Variants in AIMP2 observed in about 807,000 individuals in gnomAD.
The protein encoded by AIMP2 is aminoacyl tRNA synthetase complex interacting multifunctional protein 2.
A neutral mutation model predicts 23.4 loss-of-function variants in AIMP2; 20 were observed. The ratio of observed to expected loss-of-function variants is 0.85; its 90% CI spans 0.60 to 1.24. The LOEUF is 1.24. Among genes scored for constraint, AIMP2 ranks in the 50% most tolerant of loss-of-function variants. AIMP2 has a pLI of 0.00. For synonymous variants in AIMP2, 210 were observed against 170.4 expected (o/e 1.23, Z -1.81); for missense variants, 515 against 414.5 (o/e 1.24, Z -2.10).
At chr7:6,009,906 G>A (rs1372221215) in intron 1 of AIMP2, among the ~76,000 whole-genome samples, 8 of 132,526 alleles carry the variant, frequency 6.0e-5, no homozygotes, top group African/African-American at 1.1e-4. Flanking sequence ...CTGAGATCGA[G>A]CCATTGCACT....
intron 1 of AIMP2, among the ~76,000 whole-genome samples, chr7:6,013,301 G>T (rs1213051646): frequency 3.1e-5 from 4 of 127,600 alleles, no homozygotes; most frequent in African/African-American, 1.2e-4. Context: ...TCACTCTGCC[G>T]CCTAGGCTGG....
chr7:6,021,338 CAAAAAAAAAAA>C (rs563523048), intron 3 of AIMP2, among the ~76,000 whole-genome samples: 1 of 65,956 alleles, frequency 1.5e-5, no homozygotes, highest in Admixed American at 2.0e-4. Flanking sequence ...GACTCCATCT[CAAAAAAAAAAA>C]AAAAAAAAAA....
At chr7:6,015,495 C>T (rs1786971061) in intron 2 of AIMP2, 143 bp downstream of exon 2, 6 of 838,098 alleles carry the variant, frequency 7.2e-6, no homozygotes, top group East Asian at 2.7e-5. Context: ...GAAGCCAAGG[C>T]GGGCAGATCA....
At chr7:6,011,495 C>T (rs998086753) in intron 1 of AIMP2, among the ~76,000 whole-genome samples, 1 of 152,172 alleles carries the variant, frequency 6.6e-6, no homozygotes, top group African/African-American at 2.4e-5. Flanking sequence ...CCTAGGTTTC[C>T]AGCAGGAGAA....
At position 6,009,507 on chromosome 7, in the gene AIMP2, G is replaced by A; in HGVS notation, c.135+9G>A. ...GCGCTGGCCACGTGCAGGTAGGAGC[G>A]CGGGGCCCCCCGCCCAGTGCGCACG... On this transcript the variant is annotated intron_variant, in intron 1 of 3. Transcript: ENST00000223029. The A allele has an allele frequency of 1.3e-6, 2 of 1,509,306 alleles. No individual in the cohort carries two copies. The highest frequency in any genetic ancestry group is 2.5e-5 in the East Asian group (1 of 39,892). The allele number at this position is 1,509,306 out of a possible 1,614,324, so 93.5% of individuals were successfully genotyped here.
Position 6,018,046 on chromosome 7 carries a change from G to A in AIMP2, c.574+1G>A. 1 of 1,610,524 alleles carries A rather than the reference G, an allele frequency of 6.2e-7. No homozygotes were observed. Among genetic ancestry groups the A allele is most frequent in the South Asian group, 1.1e-5 (1 of 90,412 alleles). Reference sequence around the variant, plus strand: ...GGATTCACTTTAATTTGGAAGAATGGTAAGTAGACGGGACTGAGTTCAACT... The same window carrying A: ...GGATTCACTTTAATTTGGAAGAATGATAAGTAGACGGGACTGAGTTCAACT... On this transcript the variant is annotated splice_donor_variant, in intron 3 of 3. Coordinates refer to ENST00000223029, the MANE Select transcript of AIMP2 (RefSeq NM_006303.4). LOFTEE classifies it high-confidence loss of function.
chr7:6,013,428 T>C (rs1236591214), intron 1 of AIMP2, among the ~76,000 whole-genome samples: 5 of 151,916 alleles, frequency 3.3e-5, no homozygotes, highest in African/African-American at 4.8e-5. Context: ...ACCTGGCTAA[T>C]TTTTGTACTT....
At chr7:6,019,295 C>G (rs958077247) in intron 3 of AIMP2, among the ~76,000 whole-genome samples, 1 of 150,612 alleles carries the variant, frequency 6.6e-6, no homozygotes, top group African/African-American at 2.4e-5. Flanking sequence ...CTGGCTAACA[C>G]GGTGAAACCC....
intron 3 of AIMP2, chr7:6,023,062 G>A: frequency 1.7e-5 from 8 of 484,422 alleles, no homozygotes; most frequent in East Asian, 3.6e-5. Flanking sequence ...TCTAGCTTCA[G>A]AAGTGTCATA....
rs35316507 is a variant in AIMP2, at chr7:6,010,807, G to GTT, written c.135+1321_135+1322dup. The stretch of plus-strand genomic sequence containing the variant: ...AGCGTATAGTCTGATGTGTCTGGGT[G>GTT]TTTTTTTTTTTTTAATGTAGAGATG... On this transcript the variant is annotated intron_variant, in intron 1 of 3. Coordinates refer to ENST00000223029, the MANE Select transcript of AIMP2 (RefSeq NM_006303.4). 5.7e-3 allele frequency among the ~76,000 whole-genome samples: 823 copies of GTT among 143,408 alleles called. 5 individuals are homozygous for GTT. The highest frequency in any genetic ancestry group is 0.015 in the African/African-American group (583 of 38,812). 94.1% of individuals were successfully genotyped at this position (143,408 alleles called of 152,430 possible).
chr7:6,011,998 A>G (rs1253609378), intron 1 of AIMP2, among the ~76,000 whole-genome samples: 1 of 152,218 alleles, frequency 6.6e-6, no homozygotes. Flanking sequence ...CACGTCTGTA[A>G]TCCCAGCACT....
Position 6,015,149 on chromosome 7 carries a change from GA to G in AIMP2, c.140del (p.Glu47GlyfsTer17), listed in dbSNP as rs780028792. 1.2e-6 allele frequency: 2 copies of G among 1,614,106 alleles called. No homozygotes were observed. The highest frequency in any genetic ancestry group is 2.2e-5 in the East Asian group (1 of 44,886). On this transcript the variant is annotated frameshift_variant, in exon 2 of 4. Coordinates refer to ENST00000223029, the MANE Select transcript of AIMP2 (RefSeq NM_006303.4). LOFTEE classifies it high-confidence loss of function. ...ATTTGGCTGTTGGTTTGTTTAGGAA[GA>G]GTCTAACCTGTCTCTGCAAGCTCTT... ...PAPGAGHVQE[E>X]SNLSLQALES...
Position 6,018,035 on chromosome 7 carries a change from T to C in AIMP2, c.564T>C (p.Ile188=). The change falls in exon 3 of 4, where the codon ATT becomes ATC. Residue 188 remains isoleucine, a synonymous_variant. Coordinates refer to ENST00000223029, the MANE Select transcript of AIMP2 (RefSeq NM_006303.4). ...RQDYQLGFTL[I]WKNVPKTQMK... The stretch of plus-strand genomic sequence containing the variant: ...ACTATCAGCTGGGATTCACTTTAAT[T>C]TGGAAGAATGGTAAGTAGACGGGAC... 3 of 1,613,304 alleles carry C rather than the reference T, an allele frequency of 1.9e-6. No homozygotes were observed. Among genetic ancestry groups the C allele is most frequent in the Non-Finnish European group, 2.5e-6 (3 of 1,179,604 alleles).
intron 1 of AIMP2, chr7:6,013,002 G>A: frequency 1.1e-6 from 1 of 949,848 alleles, no homozygotes; most frequent in Non-Finnish European, 1.2e-6. Context: ...TAGGAGTTAA[G>A]CAAACAAGAG....
At chr7:6,009,731 A>C (rs1786420344) in intron 1 of AIMP2, among the ~76,000 whole-genome samples, 1 of 151,382 alleles carries the variant, frequency 6.6e-6, no homozygotes, top group African/African-American at 2.4e-5. Context: ...CGGGCGGATC[A>C]CCTGAGGTCA....
chr7:6,015,017 G>A (rs928058542), intron 1 of AIMP2, 129 bp from the exon 2 acceptor site: 22 of 1,534,008 alleles, frequency 1.4e-5, no homozygotes, highest in Non-Finnish European at 1.5e-5. Flanking sequence ...ACCACACCCA[G>A]CCCATAATGT....
chr7:6,018,146 CTTTT>C (rs371698854), intron 3 of AIMP2, 101 bp downstream of exon 3: 6,677 of 579,286 alleles, frequency 0.012, no homozygotes, highest in East Asian at 0.024. Flanking sequence ...TTTTCTTTTT[CTTTT>C]TTTTTTTTTT....
Position 6,016,010 on chromosome 7 carries a change from G to A in AIMP2, c.342+658G>A, listed in dbSNP as rs1427344008. ...GAACAGATCTCAGCTTGCTTGCTCA[G>A]TGTTCCCCAGAGGTTCAGCAGAGGC... is the stretch of plus-strand genomic sequence containing the variant. On this transcript the variant is annotated intron_variant, in intron 2 of 3. Transcript: ENST00000223029. 2.6e-5 allele frequency among the ~76,000 whole-genome samples: 4 copies of A among 152,314 alleles called. No homozygotes were observed. In the East Asian group the frequency reaches 7.7e-4, roughly 29 times the overall value.
Position 6,015,330 on chromosome 7 carries a change from A to G in AIMP2, c.320A>G (p.Asp107Gly), listed in dbSNP as rs1786958596. 1 of 1,614,052 alleles carries G rather than the reference A, an allele frequency of 6.2e-7. No individual in the cohort carries two copies. The highest frequency in any genetic ancestry group is 1.3e-5 in the African/African-American group (1 of 74,934). Residue 107 changes from aspartate to glycine, a missense_variant, in exon 2 of 4, where the codon GAC (aspartate) becomes GGC (glycine). Asp to Gly is a moderately conservative substitution (Grantham distance 94). Coordinates refer to ENST00000223029, the MANE Select transcript of AIMP2 (RefSeq NM_006303.4). The stretch of plus-strand genomic sequence containing the variant: ...ACGACTTTAACCACCAATGCGCTGG[A>G]CTTGAATTCAGTGCTTGGGAAGGTA... ...EPTTLTTNALDLNSVLGKDYG... is the reference protein window; with the variant it reads ...EPTTLTTNALGLNSVLGKDYG...
Sources: allele counts gnomAD v4.1 joint callset (sites outside exome capture counted in the v4.1 genomes callset), GRCh38; gene constraint gnomAD v4.1.1; transcripts MANE v1.5; gene names NCBI Gene and HGNC (gene_info 2026-07-23, HGNC 2026-07-21).